PKIB: variants seen among roughly 807,000 people sequenced by gnomAD.
PKIB encodes cAMP-dependent protein kinase inhibitor beta, also known as PKI-beta.
In PKIB, 2 loss-of-function variants were observed where a neutral mutation model predicts 4.5. The ratio of observed to expected loss-of-function variants is 0.44; its 90% CI spans 0.18 to 1.39. PKIB has a LOEUF of 1.39. Ranked by LOEUF, PKIB falls within the 40% of genes most tolerant of loss-of-function variation. The pLI, the probability that PKIB is intolerant of heterozygous loss-of-function variation, is 0.27. For missense variants in PKIB, 94 were observed against 92.6 expected (o/e 1.02, Z -0.06); for synonymous variants, 38 against 36.0 (o/e 1.06, Z -0.20).
chr6:122,717,007 C>G (rs1176819679), intron 3 of PKIB, among the ~76,000 whole-genome samples: 1 of 152,122 alleles, frequency 6.6e-6, no homozygotes. Context: ...GAGTTGACTT[C>G]TCAGGAGAGA....
intron 2 of PKIB, among the ~76,000 whole-genome samples, chr6:122,540,215 T>C (rs1010962488): frequency 1.1e-4 from 16 of 152,218 alleles, no homozygotes; most frequent in Admixed American, 9.2e-4. Context: ...TTTCTTGCCT[T>C]CTGCTAGCTT....
chr6:122,503,397 A>C (rs923780217), intron 2 of PKIB, among the ~76,000 whole-genome samples: 3 of 152,232 alleles, frequency 2.0e-5, no homozygotes, highest in African/African-American at 7.2e-5. Context: ...TTGTTATTCA[A>C]TGTTAAAAAT....
At position 122,594,266 on chromosome 6, in the gene PKIB, G is replaced by T. The variant is rs9490488; in HGVS notation, c.-161+8259G>T. Among the ~76,000 whole-genome samples the T allele has an allele frequency of 8.0e-3, 1,215 of 151,338 alleles. 22 individuals are homozygous for T. The highest frequency in any genetic ancestry group is 0.028 in the African/African-American group (1,164 of 41,240). On this transcript the variant is annotated intron_variant, in intron 3 of 6. Coordinates refer to the PKIB transcript ENST00000392491. ...CTCTGTCACCAGGCTGGAGTGCAGT[G>T]GTGCGATCTCTGCTCACTGCAACCT...
chr6:122,558,189 G>A (rs1772904744), intron 2 of PKIB, among the ~76,000 whole-genome samples: 1 of 152,148 alleles, frequency 6.6e-6, no homozygotes, highest in South Asian at 2.1e-4. Flanking sequence ...CACACACAAT[G>A]TTATCAAGCC....
chr6:122,649,870 G>T (rs1776480935), intron 2 of PKIB, among the ~76,000 whole-genome samples: 1 of 152,154 alleles, frequency 6.6e-6, no homozygotes, highest in Non-Finnish European at 1.5e-5. Flanking sequence ...ATCTGCCAAA[G>T]GCTGCAGTCA....
At chr6:122,483,302 A>C (rs1409357493) in intron 2 of PKIB, 1 of 152,212 alleles carries the variant, frequency 6.6e-6, no homozygotes, top group Non-Finnish European at 1.5e-5. Context: ...TGATTATGGG[A>C]GAGTAATAAT....
chr6:122,701,466 A>G, intron 3 of PKIB: 1 of 1,591,586 alleles, frequency 6.3e-7, no homozygotes, highest in East Asian at 2.3e-5. Flanking sequence ...TCACCTGCCA[A>G]ACACAGGCTG....
intron 2 of PKIB, among the ~76,000 whole-genome samples, chr6:122,519,857 CAG>C (rs1268292416): frequency 6.6e-6 from 1 of 152,214 alleles, no homozygotes; most frequent in African/African-American, 2.4e-5. Flanking sequence ...TAGATGGAAA[CAG>C]AGGACATCAC....
At position 122,618,317 on chromosome 6, in the gene PKIB, C is replaced by G. The variant is rs181000125; in HGVS notation, c.-161+7782C>G. Among the ~76,000 whole-genome samples, 212 of 152,034 alleles carry G rather than the reference C, an allele frequency of 1.4e-3. 1 individual carries two copies. Among genetic ancestry groups the G allele is most frequent in the African/African-American group, 4.7e-3 (195 of 41,522 alleles). ...CCAAGAATCACAGACATGAAAATAC[C>G]CTCAAACATCTTTTTCTTTCTTTCA... On this transcript the variant is annotated intron_variant, in intron 1 of 4. Transcript: ENST00000368452.
rs375881567 is a variant in PKIB, at chr6:122,487,815, C to G, written c.-248+9876C>G. Among the ~76,000 whole-genome samples, 200 of 152,276 alleles carry G rather than the reference C, an allele frequency of 1.3e-3. 5 individuals are homozygous for G. In the South Asian group the frequency reaches 0.027, roughly 21 times the overall value. ...TTTTAGTTATAGCAGCCTGAATGAA[C>G]TAAGTCACAGCTTAGGCATTCAGGA... On this transcript the variant is annotated intron_variant, in intron 2 of 6. Coordinates refer to the PKIB transcript ENST00000392491.
intron 2 of PKIB, among the ~76,000 whole-genome samples, chr6:122,652,334 GGA>G (rs770088273): frequency 6.8e-4 from 39 of 57,658 alleles, no homozygotes; most frequent in Middle Eastern, 8.1e-3. Context: ...GTGTGTGTGT[GGA>G]GAGAGAGAGA....
chr6:122,640,317 G>A (rs1475510220), intron 2 of PKIB, among the ~76,000 whole-genome samples: 1 of 152,168 alleles, frequency 6.6e-6, no homozygotes, highest in Non-Finnish European at 1.5e-5. Context: ...AATGTACAGT[G>A]AGAAATGCTA....
chr6:122,580,234 C>T lies in PKIB; in HGVS notation c.-247-5687C>T, dbSNP rs74335962. Among the ~76,000 whole-genome samples the T allele has an allele frequency of 2.1e-3, 320 of 152,126 alleles. 7 individuals are homozygous for T. In the East Asian group the frequency reaches 0.041, roughly 19 times the overall value. ...TTCTTCTTTAGGCAGAAATGTTTCA[C>T]GTGGAGTCTAAGCATGCAAACATTT... is the stretch of plus-strand genomic sequence containing the variant. On this transcript the variant is annotated intron_variant, in intron 2 of 6. Coordinates refer to the PKIB transcript ENST00000392491.
At chr6:122,612,042 C>T (rs540631505) in intron 1 of PKIB, among the ~76,000 whole-genome samples, 19 of 152,264 alleles carry the variant, frequency 1.2e-4, no homozygotes, top group African/African-American at 4.1e-4. Context: ...ATATCAAAGA[C>T]TAATGGACCA....
chr6:122,514,721 T>C (rs1776693344), intron 2 of PKIB, among the ~76,000 whole-genome samples: 1 of 152,194 alleles, frequency 6.6e-6, no homozygotes, highest in Non-Finnish European at 1.5e-5. Flanking sequence ...CAAGTCCTTT[T>C]ATTATTCATT....
intron 2 of PKIB, among the ~76,000 whole-genome samples, chr6:122,668,039 G>C (rs990436695): frequency 2.6e-5 from 4 of 152,126 alleles, no homozygotes; most frequent in Admixed American, 2.6e-4. Context: ...AATAAGAAAA[G>C]AAGGTTTCTT....
intron 2 of PKIB, among the ~76,000 whole-genome samples, chr6:122,652,317 TG>T (rs1776589205): frequency 1.7e-5 from 2 of 120,236 alleles, no homozygotes; most frequent in African/African-American, 6.8e-5. Context: ...TGTGTGTGTG[TG>T]TGTGTGTGTG....
chr6:122,492,530 T>C (rs932856412), intron 2 of PKIB, among the ~76,000 whole-genome samples: 3 of 152,204 alleles, frequency 2.0e-5, no homozygotes, highest in African/African-American at 7.2e-5. Context: ...GTAATGGACT[T>C]AAGAGACATT....
intron 2 of PKIB, among the ~76,000 whole-genome samples, chr6:122,538,376 C>G (rs990708435): frequency 2.6e-5 from 4 of 152,056 alleles, no homozygotes; most frequent in Admixed American, 6.6e-5. Context: ...GGAAGGGATC[C>G]AGTTTCAGCT....
Sources: gnomAD v4.1 joint callset for allele counts (sites outside exome capture counted in the v4.1 genomes callset) on GRCh38, gnomAD v4.1.1 for gene constraint, MANE v1.5 for transcripts, NCBI Gene and HGNC (gene_info 2026-07-23, HGNC 2026-07-21) for gene names.